MED13: variants seen among roughly 807,000 people sequenced by gnomAD.
MED13 encodes mediator complex subunit 13, also known as mediator of RNA polymerase II transcription subunit 13.
Under a neutral mutation model 225.2 loss-of-function variants are expected in MED13, and 23 were observed. The ratio of observed to expected loss-of-function variants is 0.10; its 90% CI spans 0.07 to 0.14. The LOEUF is 0.14. Ranked by LOEUF, MED13 falls within the 10% of genes least tolerant of loss-of-function variation. The pLI, the probability that MED13 is intolerant of heterozygous loss-of-function variation, is 1.00. For synonymous variants in MED13, 942 were observed against 889.2 expected (o/e 1.06, Z -1.06); for missense variants, 2,197 against 2,594.5 (o/e 0.85, Z 3.33).
rs757313701 is a variant in MED13 at position 62,029,626 on chromosome 17, C to A, written c.1198G>T (p.Gly400Cys). Residue 400 changes from glycine (G) to cysteine (C), a missense_variant, in exon 8 of 30, where the codon GGT (glycine) becomes TGT (cysteine). Gly to Cys is a radical substitution (Grantham distance 159, BLOSUM62 -3). Around this residue, in one of 12 missense-constraint regions of MED13, gnomAD observed 884 missense variants for 918.5 expected, o/e 0.96. Coordinates refer to ENST00000397786, the MANE Select transcript of MED13 (RefSeq NM_005121.3). ...NKRKYSASSGGLCEEATAAKV... is the reference protein window; with the variant it reads ...NKRKYSASSGCLCEEATAAKV... The stretch of plus-strand genomic sequence containing the variant: ...GCAGCTGTCGCTTCTTCGCATAGAC[C>A]ACCTGATGAAGCAGAATACTTCCTC... 17 of 1,613,678 alleles carry A rather than the reference C, an allele frequency of 1.1e-5. No individual in the cohort carries two copies. The highest frequency in any genetic ancestry group is 4.5e-5 in the East Asian group (2 of 44,886).
intron 9 of MED13, among the ~76,000 whole-genome samples, chr17:62,001,555 A>G (rs2080395312): frequency 6.6e-6 from 1 of 152,164 alleles, no homozygotes. Context: ...ACTTATGAAT[A>G]CTATTCTGCT....
chr17:61,966,813 AT>A (rs1203154721), intron 18 of MED13, among the ~76,000 whole-genome samples, 162 bp from the exon 19 acceptor site: 2 of 152,220 alleles, frequency 1.3e-5, no homozygotes, highest in Non-Finnish European at 2.9e-5. Flanking sequence ...GGCCAAAAAA[AT>A]AAACATATCA....
Position 61,946,266 on chromosome 17 carries a change from T to C in MED13, c.*202A>G. 1.9e-6 allele frequency: 1 copy of C among 527,996 alleles called. No homozygotes were observed. The highest frequency in any genetic ancestry group is 3.2e-6 in the Non-Finnish European group (1 of 310,218). The allele number at this position is 527,996 out of a possible 1,614,324, so 32.7% of individuals were successfully genotyped here. A position where few individuals can be genotyped will look rare whatever the true frequency, so the allele number is the denominator to read the frequency against. ...ATAATACGTTTTGTATGATCAGTCA[T>C]CATCCTAAAGAGTTCAATAGAGTCA... On this transcript the variant is annotated 3_prime_UTR_variant, in exon 30 of 30. Coordinates refer to ENST00000397786, the MANE Select transcript of MED13 (RefSeq NM_005121.3).
chr17:61,953,280 A>T (rs897710019), intron 26 of MED13, among the ~76,000 whole-genome samples, 167 bp from the exon 27 acceptor site: 3 of 152,220 alleles, frequency 2.0e-5, no homozygotes, highest in Admixed American at 6.5e-5. Context: ...CCGTACAAAT[A>T]ATTATGCATA....
chr17:62,041,569 T>G (rs934889571), intron 3 of MED13, among the ~76,000 whole-genome samples: 2 of 152,114 alleles, frequency 1.3e-5, no homozygotes, highest in African/African-American at 4.8e-5. Context: ...AAAAAGAAAC[T>G]GTAGTCATCT....
intron 3 of MED13, among the ~76,000 whole-genome samples, chr17:62,037,674 A>T: frequency 6.7e-6 from 1 of 148,512 alleles, no homozygotes; most frequent in African/African-American, 2.5e-5. Flanking sequence ...CTCAAAAAAA[A>T]AAAAAAAAAG....
chr17:62,018,836 T>C (rs547648494), intron 8 of MED13, among the ~76,000 whole-genome samples: 10 of 152,210 alleles, frequency 6.6e-5, no homozygotes, highest in Non-Finnish European at 8.8e-5. Flanking sequence ...AGAATATCGA[T>C]CCTACACGGA....
chr17:61,963,468 G>GTA (rs1425737364), intron 20 of MED13, among the ~76,000 whole-genome samples: 30 of 151,752 alleles, frequency 2.0e-4, no homozygotes, highest in African/African-American at 5.8e-4. Flanking sequence ...CTATATATGT[G>GTA]TATATATATA....
intron 9 of MED13, chr17:62,006,414 G>T (rs1466076593): frequency 6.6e-6 from 1 of 152,074 alleles, no homozygotes; most frequent in African/African-American, 2.4e-5. Context: ...TAAACTACCT[G>T]TCAAAATAAG....
intron 8 of MED13, among the ~76,000 whole-genome samples, chr17:62,015,955 T>TATATATATATATATATATATA (rs1491450985): frequency 2.5e-4 from 1 of 4,028 alleles, no homozygotes; most frequent in African/African-American, 8.8e-4. Context: ...TATATATATA[T>TATATATATATATATATATATA]TTTTTTTTTT....
chr17:61,969,915 T>C (rs2080092306), intron 17 of MED13, among the ~76,000 whole-genome samples: 1 of 151,950 alleles, frequency 6.6e-6, no homozygotes, highest in Non-Finnish European at 1.5e-5. Context: ...GTTCTTACCA[T>C]AATAAAAAAA....
intron 2 of MED13, among the ~76,000 whole-genome samples, chr17:62,056,459 T>G (rs773564453): frequency 6.6e-6 from 1 of 152,190 alleles, no homozygotes; most frequent in Non-Finnish European, 1.5e-5. Flanking sequence ...CTGCTTAATC[T>G]ATATAACTAT....
In MED13 at chr17:61,995,020, T is replaced by G. The variant is rs916739501; in HGVS notation, c.2181+132A>C. The stretch of plus-strand genomic sequence containing the variant: ...GCCACCGCAGCCGGGCAAAAATAAG[T>G]TTTTCTAAATAAATGATTACTCTTT... On this transcript the variant is annotated intron_variant, in intron 10 of 29. Transcript: ENST00000397786. 6.7e-6 allele frequency: 5 copies of G among 750,794 alleles called. No homozygotes were observed. In the African/African-American group the frequency reaches 9.0e-5, roughly 13 times the overall value. The allele number at this position is 750,794 out of a possible 1,614,324, so 46.5% of individuals were successfully genotyped here.
chr17:62,020,414 T>G (rs1017666579), intron 8 of MED13, among the ~76,000 whole-genome samples: 1 of 152,132 alleles, frequency 6.6e-6, no homozygotes, highest in African/African-American at 2.4e-5. Flanking sequence ...GTCTCGCTCT[T>G]TTGCCAGGCT....
chr17:62,028,280 C>T (rs976305826), intron 8 of MED13, among the ~76,000 whole-genome samples: 23 of 152,052 alleles, frequency 1.5e-4, no homozygotes, highest in African/African-American at 5.6e-4. Flanking sequence ...GGTCATTATC[C>T]TTAGCACAGG....
intron 3 of MED13, among the ~76,000 whole-genome samples, chr17:62,042,170 A>C (rs2080857960): frequency 1.3e-5 from 2 of 152,222 alleles, no homozygotes; most frequent in African/African-American, 4.8e-5. Flanking sequence ...CATGAACAAA[A>C]GATCTATACT....
chr17:62,020,880 G>A (rs1294935645), intron 8 of MED13, among the ~76,000 whole-genome samples: 1 of 151,548 alleles, frequency 6.6e-6, no homozygotes, highest in Admixed American at 6.6e-5. Flanking sequence ...ATTAGGGAGT[G>A]GTGATGACTC....
intron 15 of MED13, among the ~76,000 whole-genome samples, chr17:61,983,494 G>A (rs2143464446): frequency 6.6e-6 from 1 of 152,198 alleles, no homozygotes; most frequent in South Asian, 2.1e-4. Flanking sequence ...TGTAAAAAGG[G>A]AAAAATGGTA....
At chr17:62,033,479 C>T (rs1324783292) in intron 5 of MED13, among the ~76,000 whole-genome samples, 3 of 152,210 alleles carry the variant, frequency 2.0e-5, no homozygotes, top group Admixed American at 1.3e-4. Flanking sequence ...GTAACATACA[C>T]CATATCCCAG....
Sources: allele counts gnomAD v4.1 joint callset (sites outside exome capture counted in the v4.1 genomes callset), GRCh38; gene constraint gnomAD v4.1.1; regional missense constraint gnomAD v4.1.1; transcripts MANE v1.5; gene names NCBI Gene and HGNC (gene_info 2026-07-23, HGNC 2026-07-21).